Variants in WWTR1 observed in about 807,000 individuals in gnomAD.
The protein encoded by WWTR1 is WW domain-containing transcription regulator protein 1.
A neutral mutation model predicts 40.1 loss-of-function variants in WWTR1; 13 were observed. The ratio of observed to expected loss-of-function variants is 0.32; its 90% confidence interval spans 0.21 to 0.52. The LOEUF is 0.52. Ranked by LOEUF, WWTR1 falls within the 20% of genes least tolerant of loss-of-function variation. WWTR1 has a pLI of 0.97. For synonymous variants in WWTR1, 230 were observed against 210.1 expected (o/e 1.09, Z -0.82); for missense variants, 436 against 523.1 (o/e 0.83, Z 1.63).
chr3:149,527,847 A>G lies in WWTR1; in HGVS notation c.894T>C (p.Pro298=), dbSNP rs1404135301. The G allele has an allele frequency of 6.2e-7, 1 of 1,614,146 alleles. No homozygotes were observed. The highest frequency in any genetic ancestry group is 1.7e-4 in the Middle Eastern group (1 of 6,032). Reference sequence around the variant, plus strand: ...AAATATTAACTTACCCATTGAGGAAAGGATCTGAGCTATTATTAGTGATGG... The same window carrying G: ...AAATATTAACTTACCCATTGAGGAAGGGATCTGAGCTATTATTAGTGATGG... ...MRSITNNSSD[P]FLNGGPYHSR... The change falls in exon 5 of 7, where the codon CCT becomes CCC. Residue 298 remains proline, a synonymous_variant. Coordinates refer to ENST00000360632, the MANE Select transcript of WWTR1 (RefSeq NM_015472.6).
At chr3:149,696,258 G>A (rs1714987994) in intron 1 of WWTR1, among the ~76,000 whole-genome samples, 1 of 151,914 alleles carries the variant, frequency 6.6e-6, no homozygotes, top group African/African-American at 2.4e-5. Flanking sequence ...CCTTTTCTGT[G>A]TTCCTCAACA....
chr3:149,593,225 A>G (rs1738818556), intron 2 of WWTR1, among the ~76,000 whole-genome samples: 1 of 152,234 alleles, frequency 6.6e-6, no homozygotes, highest in South Asian at 2.1e-4. Flanking sequence ...AATCGAGAAG[A>G]CCATGAAAAC....
rs973272056 is a variant in WWTR1, at chr3:149,559,442, T to C, written c.568+13422A>G. ...AAAAAAAAATATGTAGATAGATAGA[T>C]AGATGGATAGATGGATAGATGCAAC... On this transcript the variant is annotated intron_variant, in intron 3 of 6. Transcript: ENST00000360632. 3.3e-5 allele frequency among the ~76,000 whole-genome samples: 5 copies of C among 151,810 alleles called. No individual in the cohort carries two copies. The East Asian group carries it at 9.6e-4, about 29-fold the overall frequency.
intron 2 of WWTR1, among the ~76,000 whole-genome samples, chr3:149,668,391 G>C (rs569387406): frequency 1.3e-5 from 2 of 152,192 alleles, no homozygotes; most frequent in East Asian, 3.9e-4. Context: ...CAGATCACCT[G>C]AGGTCAGGAG....
intron 2 of WWTR1, among the ~76,000 whole-genome samples, chr3:149,598,076 T>C (rs1454576241): frequency 6.6e-6 from 1 of 152,200 alleles, no homozygotes; most frequent in African/African-American, 2.4e-5. Context: ...TGAAGGTCCC[T>C]GAATATGTGA....
At chr3:149,669,878 A>T (rs1454116584) in exon 2 of WWTR1, 2 of 152,322 alleles carry the variant, frequency 1.3e-5, no homozygotes, top group African/African-American at 4.8e-5. Context: ...GCAGAGATGT[A>T]TTGGGGAAAA....
intron 2 of WWTR1, among the ~76,000 whole-genome samples, chr3:149,574,775 G>A (rs1443584614): frequency 2.0e-5 from 3 of 148,712 alleles, no homozygotes; most frequent in Non-Finnish European, 3.0e-5. Flanking sequence ...AAAGGTCTAA[G>A]GTTTTAGAAT....
At chr3:149,607,936 G>C (rs1324135012) in intron 2 of WWTR1, among the ~76,000 whole-genome samples, 4 of 152,212 alleles carry the variant, frequency 2.6e-5, no homozygotes, top group African/African-American at 7.2e-5. Flanking sequence ...CATCTACCTA[G>C]CATCTTCAAC....
chr3:149,698,851 G>T (rs1468199382), intron 1 of WWTR1, among the ~76,000 whole-genome samples: 1 of 152,230 alleles, frequency 6.6e-6, no homozygotes, highest in Non-Finnish European at 1.5e-5. Context: ...CAGCCAGGAT[G>T]TGGGGAGCAG....
intron 2 of WWTR1, among the ~76,000 whole-genome samples, chr3:149,669,227 C>A (rs1180891944): frequency 6.6e-6 from 1 of 152,180 alleles, no homozygotes; most frequent in Non-Finnish European, 1.5e-5. Flanking sequence ...AATATACCCC[C>A]ACATATACAA....
chr3:149,638,638 T>C (rs1296692480), intron 2 of WWTR1, among the ~76,000 whole-genome samples: 2 of 151,042 alleles, frequency 1.3e-5, no homozygotes, highest in Admixed American at 1.3e-4. Context: ...TTAGTGTAAG[T>C]TAAAAAAAAA....
At chr3:149,705,501 T>C (rs1168378743), upstream of WWTR1, among the ~76,000 whole-genome samples, 2 of 152,164 alleles carry the variant, frequency 1.3e-5, no homozygotes, top group Admixed American at 6.5e-5. Flanking sequence ...TTCTACAAAA[T>C]AAAGTGAAAC....
intron 2 of WWTR1, among the ~76,000 whole-genome samples, chr3:149,594,950 C>CCTTTTTTTTTTTTTTTTTTTTT (rs1738915943): frequency 1.6e-5 from 1 of 61,772 alleles, no homozygotes; most frequent in African/African-American, 5.5e-5. Flanking sequence ...CTCTTTTTTA[C>CCTTTTTTTTTTTTTTTTTTTTT]TTTTTTTTTT....
intron 2 of WWTR1, among the ~76,000 whole-genome samples, chr3:149,654,838 C>T (rs1713100866): frequency 6.6e-6 from 1 of 152,064 alleles, no homozygotes; most frequent in African/African-American, 2.4e-5. Context: ...TCATGTAGGG[C>T]TGGGGCCAGG....
At chr3:149,526,418 A>G (rs906524486) in intron 5 of WWTR1, among the ~76,000 whole-genome samples, 2 of 152,134 alleles carry the variant, frequency 1.3e-5, no homozygotes, top group African/African-American at 4.8e-5. Context: ...CTTTAAAAAA[A>G]AAAAACAAAA....
intron 2 of WWTR1, among the ~76,000 whole-genome samples, chr3:149,640,165 T>C (rs1399057521): frequency 6.6e-6 from 1 of 152,090 alleles, no homozygotes; most frequent in Non-Finnish European, 1.5e-5. Context: ...TTAAGCAACA[T>C]CTCTGGTCTT....
At chr3:149,550,856 G>A (rs1736589636) in intron 3 of WWTR1, among the ~76,000 whole-genome samples, 1 of 145,090 alleles carries the variant, frequency 6.9e-6, no homozygotes, top group East Asian at 2.0e-4. Context: ...GTTTTCACAG[G>A]TAGTTAGCAA....
intron 5 of WWTR1, among the ~76,000 whole-genome samples, chr3:149,713,191 C>T (rs1188954756): frequency 1.3e-5 from 2 of 152,032 alleles, no homozygotes; most frequent in Non-Finnish European, 2.9e-5. Flanking sequence ...TATATTTTTC[C>T]ATGCACTCAG....
At chr3:149,605,244 G>GA (rs1739432409) in intron 2 of WWTR1, among the ~76,000 whole-genome samples, 1 of 152,182 alleles carries the variant, frequency 6.6e-6, no homozygotes, top group African/African-American at 2.4e-5. Flanking sequence ...TGTCTTTTTA[G>GA]AAAATCACTT....
Sources: gnomAD v4.1 joint callset for allele counts (sites outside exome capture counted in the v4.1 genomes callset) on GRCh38, gnomAD v4.1.1 for gene constraint, MANE v1.5 for transcripts, NCBI Gene and HGNC (gene_info 2026-07-23, HGNC 2026-07-21) for gene names.